The following FAM81A variants were observed in gnomAD, a reference collection of about 807,000 sequenced individuals.
FAM81A encodes family with sequence similarity 81 member A.
Under a neutral mutation model 46.7 loss-of-function variants are expected in FAM81A, and 19 were observed. The observed-to-expected ratio is 0.41, with a 90% CI of 0.28 to 0.60. The LOEUF (loss-of-function observed/expected upper bound fraction) is 0.60, where lower values mean the gene tolerates loss of function less well. FAM81A is among the 20% of genes least tolerant of loss of function. The probability of loss-of-function intolerance (pLI) is 0.34; values close to 1 mark genes in which losing one functional copy is unlikely to be tolerated. For missense variants in FAM81A, 377 were observed against 453.5 expected (o/e 0.83, Z 1.53); for synonymous variants, 183 against 152.9 (o/e 1.20, Z -1.45).
intron 2 of FAM81A, among the ~76,000 whole-genome samples, chr15:59,416,268 C>T (rs2081146290): frequency 1.3e-5 from 2 of 152,184 alleles, no homozygotes. Flanking sequence ...CCGCTGTGTG[C>T]AACCGGGGCT....
intron 2 of FAM81A, among the ~76,000 whole-genome samples, chr15:59,414,308 C>G (rs533648782): frequency 3.9e-5 from 6 of 152,214 alleles, no homozygotes; most frequent in African/African-American, 1.4e-4. Flanking sequence ...GGAAAGACTT[C>G]CCCTCACTCT....
chr15:59,454,025 G>A (rs2081452428), intron 1 of FAM81A, among the ~76,000 whole-genome samples: 2 of 152,140 alleles, frequency 1.3e-5, no homozygotes, highest in South Asian at 4.1e-4. Context: ...ACTCCTCAGG[G>A]CCTGGGGATC....
intron 7 of FAM81A, 80 bp from the exon 8 acceptor site, chr15:59,516,565 A>T: frequency 7.1e-7 from 1 of 1,410,942 alleles, no homozygotes; most frequent in Non-Finnish European, 9.7e-7. Context: ...GATTGTTGTT[A>T]AACGATATTA....
chr15:59,491,567 GT>G (rs2081981996), intron 3 of FAM81A, among the ~76,000 whole-genome samples: 2 of 152,172 alleles, frequency 1.3e-5, no homozygotes, highest in African/African-American at 4.8e-5. Context: ...AACTAAAAGA[GT>G]ATAATTGGGT....
intron 2 of FAM81A, among the ~76,000 whole-genome samples, chr15:59,431,155 A>C (rs190878053): frequency 1.2e-4 from 19 of 152,204 alleles, no homozygotes; most frequent in African/African-American, 4.1e-4. Context: ...ACTGCTTTCC[A>C]TCAGACCTGC....
At chr15:59,417,278 G>A (rs199659928) in intron 2 of FAM81A, among the ~76,000 whole-genome samples, 7 of 151,974 alleles carry the variant, frequency 4.6e-5, no homozygotes, top group Admixed American at 6.6e-5. Flanking sequence ...GTCACATGCC[G>A]TACCACCCTG....
At chr15:59,459,070 C>T (rs555428057) in intron 2 of FAM81A, among the ~76,000 whole-genome samples, 2 of 152,344 alleles carry the variant, frequency 1.3e-5, no homozygotes, top group African/African-American at 2.4e-5. Flanking sequence ...AGTCACAGCT[C>T]ACTGCAGCCT....
At chr15:59,516,065 CTT>C (rs1237352426) in intron 7 of FAM81A, among the ~76,000 whole-genome samples, 1 of 151,086 alleles carries the variant, frequency 6.6e-6, no homozygotes, top group African/African-American at 2.4e-5. Flanking sequence ...CATCAGCTGT[CTT>C]TTAACTTTTC....
At position 59,477,344 on chromosome 15, in the gene FAM81A, G is replaced by A. The variant is rs190837080; in HGVS notation, c.295-14927G>A. Among the ~76,000 whole-genome samples the A allele has an allele frequency of 9.0e-3, 1,366 of 151,994 alleles. 23 individuals are homozygous for A. The highest frequency in any genetic ancestry group is 0.031 in the African/African-American group (1,269 of 41,470). The stretch of plus-strand genomic sequence containing the variant: ...GGTTTATAGCTGTTTTTCAGTTCAC[G>A]CAGTAAAATTTTACTGGGTTATTTG... On this transcript the variant is annotated intron_variant, in intron 3 of 8. Coordinates refer to ENST00000288228, the MANE Select transcript of FAM81A (RefSeq NM_152450.3).
rs201619532 is a variant in FAM81A at position 59,407,289 on chromosome 15, TC to T, written c.-78+4933del. On this transcript the variant is annotated intron_variant, in intron 2 of 4. Transcript: ENST00000558348. ...ATCACCCACTTTCTTTTCTTTTCTT[TC>T]CTTTTTTTTTTTTTTTTTTTTTGAG... 5.4e-3 allele frequency: 666 copies of T among 123,388 alleles called. 21 individuals are homozygous for T. The highest frequency in any genetic ancestry group is 0.014 in the African/African-American group (524 of 36,652). The allele number at this position is 123,388 out of a possible 1,614,324, so 7.6% of individuals were successfully genotyped here.
chr15:59,400,573 C>T (rs1425325137), intron 1 of FAM81A, among the ~76,000 whole-genome samples: 1 of 152,194 alleles, frequency 6.6e-6, no homozygotes, highest in Non-Finnish European at 1.5e-5. Flanking sequence ...GCAGTCTACA[C>T]AGCTCTAATC....
At chr15:59,482,269 A>G (rs1419539145) in intron 3 of FAM81A, among the ~76,000 whole-genome samples, 3 of 151,850 alleles carry the variant, frequency 2.0e-5, no homozygotes, top group Admixed American at 6.6e-5. Context: ...TGAAGTGTCT[A>G]TTTTGTTTTG....
chr15:59,464,309 T>C (rs1173544499), intron 3 of FAM81A, among the ~76,000 whole-genome samples: 1 of 152,222 alleles, frequency 6.6e-6, no homozygotes, highest in East Asian at 1.9e-4. Context: ...AATATACTGA[T>C]TTCCTTTCCT....
intron 1 of FAM81A, among the ~76,000 whole-genome samples, chr15:59,452,057 C>G (rs1000129653): frequency 6.6e-6 from 1 of 152,124 alleles, no homozygotes; most frequent in East Asian, 1.9e-4. Flanking sequence ...TGCCGAATTT[C>G]AGTAATGAGT....
At chr15:59,420,192 A>C (rs2081165717) in intron 2 of FAM81A, among the ~76,000 whole-genome samples, 2 of 152,208 alleles carry the variant, frequency 1.3e-5, no homozygotes, top group African/African-American at 2.4e-5. Flanking sequence ...AAACAAACAC[A>C]AGCAGGAAAC....
chr15:59,494,462 A>G (rs2082013619), intron 4 of FAM81A, among the ~76,000 whole-genome samples: 1 of 152,196 alleles, frequency 6.6e-6, no homozygotes, highest in Non-Finnish European at 1.5e-5. Context: ...TGTCCTTATG[A>G]TGCTGGTTCT....
chr15:59,472,241 C>T (rs575735967), intron 3 of FAM81A, among the ~76,000 whole-genome samples: 50 of 151,994 alleles, frequency 3.3e-4, no homozygotes, highest in Admixed American at 8.5e-4. Context: ...TTTGGGAGGC[C>T]GAGGTGGGAG....
chr15:59,462,184 CAG>C (rs1178100620), intron 3 of FAM81A, among the ~76,000 whole-genome samples: 1 of 135,964 alleles, frequency 7.4e-6, no homozygotes, highest in African/African-American at 2.8e-5. Flanking sequence ...GCCTGGGCGA[CAG>C]AGCGAGACTG....
At position 59,458,040 on chromosome 15, in the gene FAM81A, T is replaced by C. The variant is rs1007701593; in HGVS notation, c.-77-510T>C. The stretch of plus-strand genomic sequence containing the variant: ...TTCTCACTCCCTTGGTGGATAGATA[T>C]CTTCCCACAAATCAGATCACATTGA... On this transcript the variant is annotated intron_variant, in intron 1 of 8. Coordinates refer to ENST00000288228, the MANE Select transcript of FAM81A (RefSeq NM_152450.3). 2.6e-5 allele frequency among the ~76,000 whole-genome samples: 4 copies of C among 152,318 alleles called. No individual in the cohort carries two copies. In the South Asian group the frequency reaches 8.3e-4, roughly 32 times the overall value.
Sources: allele counts gnomAD v4.1 joint callset (sites outside exome capture counted in the v4.1 genomes callset), GRCh38; gene constraint gnomAD v4.1.1; transcripts MANE v1.5; gene names NCBI Gene and HGNC (gene_info 2026-07-23, HGNC 2026-07-21).